Variants in NECAB3 observed in about 807,000 individuals in gnomAD.
NECAB3 encodes the protein N-terminal EF-hand calcium-binding protein 3.
Under a neutral mutation model 57.2 loss-of-function variants are expected in NECAB3, and 38 were observed. That is an observed-to-expected ratio of 0.66 (90% confidence interval 0.51 to 0.87). NECAB3 has a LOEUF of 0.87. NECAB3 is among the 40% of genes least tolerant of loss of function. The pLI is 0.00. For missense variants in NECAB3, 474 were observed against 527.5 expected (o/e 0.90, Z 0.99); for synonymous variants, 223 against 222.6 (o/e 1.00, Z -0.02).
intron 5 of NECAB3, chr20:33,666,757 G>C (rs1179135238): frequency 6.6e-6 from 1 of 152,394 alleles, no homozygotes; most frequent in South Asian, 2.1e-4. Flanking sequence ...GGGAGACCAA[G>C]AGGGTGAGAT....
chr20:33,675,047 G>A (rs2017928751), upstream of NECAB3, among the ~76,000 whole-genome samples: 1 of 151,820 alleles, frequency 6.6e-6, no homozygotes, highest in Non-Finnish European at 1.5e-5. Context: ...CACTCCAGGA[G>A]CACCACTCTG....
intron 5 of NECAB3, chr20:33,663,850 C>G (rs1217658599): frequency 5.7e-6 from 8 of 1,404,398 alleles, no homozygotes; most frequent in East Asian, 5.9e-5. Context: ...GTGCCGCTGC[C>G]CTCGCCCGCA....
At chr20:33,670,524 G>A in intron 3 of NECAB3, 160 bp downstream of exon 3, 1 of 543,896 alleles carries the variant, frequency 1.8e-6, no homozygotes, top group Non-Finnish European at 3.2e-6. Context: ...GCTGTAGCTG[G>A]AGAGGGGGTA....
At chr20:33,659,451 C>A (rs1184161538) in intron 8 of NECAB3, 46 bp downstream of exon 8, 2 of 1,313,234 alleles carry the variant, frequency 1.5e-6, no homozygotes, top group Non-Finnish European at 2.0e-6. Context: ...TTCATGAGCA[C>A]CCCCAGACAC....
intron 5 of NECAB3, chr20:33,667,073 C>G (rs1239263514): frequency 5.9e-6 from 1 of 168,414 alleles, no homozygotes; most frequent in African/African-American, 2.4e-5. Context: ...GCGGCTGGGC[C>G]GAGCCCGAAG....
chr20:33,668,917 G>A (rs1011200684), intron 5 of NECAB3, among the ~76,000 whole-genome samples: 1 of 152,364 alleles, frequency 6.6e-6, no homozygotes, highest in African/African-American at 2.4e-5. Flanking sequence ...ACAAACGCGT[G>A]GGTGTTCACG....
Position 33,657,620 on chromosome 20 carries a change from A to C in NECAB3, c.*209T>G. 2.0e-6 allele frequency: 1 copy of C among 508,364 alleles called. No individual in the cohort carries two copies. Among genetic ancestry groups the C allele is most frequent in the Non-Finnish European group, 3.3e-6 (1 of 302,080 alleles). The allele number at this position is 508,364 out of a possible 1,614,324, so 31.5% of individuals were successfully genotyped here. ...GAAGCCAAAGTAGCTTGGAGGCTGA[A>C]GTGACAAACAATAAAATACAGGGAT... On this transcript the variant is annotated 3_prime_UTR_variant, in exon 12 of 12. Transcript: ENST00000246190.
At chr20:33,662,516 G>A (rs2017512998) in intron 5 of NECAB3, 3 of 1,542,962 alleles carry the variant, frequency 1.9e-6, no homozygotes, top group Middle Eastern at 1.8e-4. Flanking sequence ...GCAGCTGGGG[G>A]GCAGAGAAAG....
At chr20:33,661,237 G>A (rs998276090) in intron 5 of NECAB3, among the ~76,000 whole-genome samples, 1 of 152,076 alleles carries the variant, frequency 6.6e-6, no homozygotes, top group Non-Finnish European at 1.5e-5. Flanking sequence ...TACAATAAAG[G>A]GCCTGCCCAC....
chr20:33,662,586 G>C (rs1044270193), intron 5 of NECAB3: 11 of 1,240,618 alleles, frequency 8.9e-6, no homozygotes, highest in Non-Finnish European at 1.0e-5. Flanking sequence ...GAAGTCCTAG[G>C]GGGTGAGGGA....
intron 5 of NECAB3, among the ~76,000 whole-genome samples, chr20:33,663,013 G>C (rs993454041): frequency 8.5e-5 from 13 of 152,212 alleles, no homozygotes; most frequent in African/African-American, 4.8e-5. Context: ...GAGAGCCCCG[G>C]GGGGTGAGCA....
rs151267024 is a variant in NECAB3, at chr20:33,668,324, G to A, written c.387+1051C>T. 107 of 1,508,166 alleles carry A rather than the reference G, an allele frequency of 7.1e-5. 1 individual carries two copies. In the African/African-American group the frequency reaches 1.3e-3, roughly 19 times the overall value. 93.4% of individuals were successfully genotyped at this position (1,508,166 alleles called of 1,614,324 possible). A position where few individuals can be genotyped will look rare whatever the true frequency, so the allele number is the denominator to read the frequency against. On this transcript the variant is annotated intron_variant, in intron 5 of 11. Coordinates refer to ENST00000246190, the MANE Select transcript of NECAB3 (RefSeq NM_031232.4). ...TGTTTGGAGCTGGCAGGGTCCTCCT[G>A]GAGGTTGGAGCTGACTGGATGGGTC...
At chr20:33,668,074 G>A (rs1207431683) in intron 5 of NECAB3, 4 of 1,581,328 alleles carry the variant, frequency 2.5e-6, no homozygotes, top group Admixed American at 1.8e-5. Context: ...GCACGGCTAC[G>A]CGGCCCTGCG....
intron 5 of NECAB3, chr20:33,663,401 G>C (rs910968519): frequency 4.0e-6 from 4 of 990,978 alleles, no homozygotes; most frequent in Non-Finnish European, 5.8e-6. Flanking sequence ...CTGTGCACGA[G>C]AGGATGACAG....
chr20:33,663,945 C>A, intron 5 of NECAB3: 1 of 1,279,166 alleles, frequency 7.8e-7, no homozygotes, highest in Non-Finnish European at 1.0e-6. Context: ...GGCGTCTGGG[C>A]GCGGAGTCGG....
chr20:33,664,139 A>C, intron 5 of NECAB3: 7 of 421,870 alleles, frequency 1.7e-5, no homozygotes, highest in East Asian at 4.0e-5. Context: ...AACACTCCAA[A>C]TCCAGGTCAC....
chr20:33,663,575 T>G (rs760338918), intron 5 of NECAB3: 1 of 1,611,400 alleles, frequency 6.2e-7, no homozygotes, highest in South Asian at 1.1e-5. Flanking sequence ...CGGCAGCCGC[T>G]GGCCAACGCT....
intron 5 of NECAB3, chr20:33,668,249 G>A (rs73261831): frequency 1.3e-6 from 2 of 1,526,336 alleles, no homozygotes; most frequent in South Asian, 2.5e-5. Context: ...AGGCTGGACT[G>A]GGGGGGGTGG....
At position 33,658,739 on chromosome 20, in the gene NECAB3, G is replaced by A. The variant is rs1178755530; in HGVS notation, c.975C>T (p.Ala325=). ...ALRCYVDFTG[A]QSHCLHVSAQ... is the part of the protein sequence containing the mutation. ...GGACTCACTGCAGACAATGGCTCTG[G>A]GCCCCTGTGAAGTCCACATAGCAGC... The change falls in exon 9 of 12, where the codon GCC becomes GCT. Residue 325 remains alanine (A), a synonymous_variant. Coordinates refer to ENST00000246190, the MANE Select transcript of NECAB3 (RefSeq NM_031232.4). 6.2e-7 allele frequency: 1 copy of A among 1,613,722 alleles called. No homozygotes were observed. Among genetic ancestry groups the A allele is most frequent in the Non-Finnish European group, 8.5e-7 (1 of 1,179,950 alleles).
Sources: gnomAD v4.1 joint callset for allele counts (sites outside exome capture counted in the v4.1 genomes callset) on GRCh38, gnomAD v4.1.1 for gene constraint, MANE v1.5 for transcripts, NCBI Gene and HGNC (gene_info 2026-07-23, HGNC 2026-07-21) for gene names.